KIF3C: variants seen among roughly 807,000 people sequenced by gnomAD.
KIF3C encodes the protein kinesin-like protein KIF3C.
In KIF3C, 12 loss-of-function variants were observed where a neutral mutation model predicts 67.7. That is an observed-to-expected ratio of 0.18 (90% CI 0.11 to 0.29). The LOEUF (loss-of-function observed/expected upper bound fraction) is 0.29, where lower values mean the gene tolerates loss of function less well. Among genes scored for constraint, KIF3C ranks in the 10% least tolerant of loss-of-function variants. The probability of loss-of-function intolerance (pLI) is 1.00; values close to 1 mark genes in which losing one functional copy is unlikely to be tolerated. For missense variants in KIF3C, 789 were observed against 1,059.6 expected, an observed-to-expected ratio of 0.74 and a Z score of 3.55; for synonymous variants, 393 against 426.2, an observed-to-expected ratio of 0.92 and a Z score of 0.96.
chr2:25,948,000 C>G (rs1663491533), intron 5 of KIF3C, among the ~76,000 whole-genome samples: 1 of 152,154 alleles, frequency 6.6e-6, no homozygotes, highest in African/African-American at 2.4e-5. Flanking sequence ...CCTCAGCCAC[C>G]AGAGTAGCTG....
chr2:25,962,939 TATATA>T (rs1218688000), intron 1 of KIF3C, among the ~76,000 whole-genome samples: 2,549 of 38,334 alleles, frequency 0.066, 321 homozygotes, highest in African/African-American at 0.2. Flanking sequence ...ATACATATAA[TATATA>T]ATATATAATA....
At chr2:25,976,097 G>A (rs1008529757) in intron 1 of KIF3C, among the ~76,000 whole-genome samples, 4 of 152,198 alleles carry the variant, frequency 2.6e-5, no homozygotes, top group South Asian at 4.2e-4. Flanking sequence ...TACTGTTGTC[G>A]CTCAGGCTTG....
chr2:25,947,324 G>A (rs887530827), intron 5 of KIF3C, among the ~76,000 whole-genome samples: 2 of 151,908 alleles, frequency 1.3e-5, no homozygotes, highest in Non-Finnish European at 2.9e-5. Context: ...GCTTGTGCCT[G>A]TAATCCCAGC....
rs763378055 is a variant in KIF3C, at chr2:25,981,576, G to A, written c.342C>T (p.Pro114=). 1 of 1,614,156 alleles carries A rather than the reference G, an allele frequency of 6.2e-7. No homozygotes were observed. Among genetic ancestry groups the A allele is most frequent in the Middle Eastern group, 1.6e-4 (1 of 6,062 alleles). Residue 114 remains proline (P), a synonymous_variant, in exon 1 of 8, where the codon CCC becomes CCT. Coordinates refer to ENST00000264712, the MANE Select transcript of KIF3C (RefSeq NM_002254.8). This position sits in a 1 kb window ranked among gnomAD's most constrained non-coding sequence, Gnocchi z 8.2. ...TYTMQGTWVE[P]ELRGVIPNAF... ...CATTCGGGATGACCCCGCGCAGCTCGGGCTCCACCCAGGTCCCCTGCATGG... is the reference window on the plus strand; with the variant it reads ...CATTCGGGATGACCCCGCGCAGCTCAGGCTCCACCCAGGTCCCCTGCATGG...
In KIF3C at chr2:25,981,427, C is replaced by A. The variant is rs760878065; in HGVS notation, c.491G>T (p.Arg164Met). Residue 164 changes from arginine (R) to methionine (M), a missense_variant, in exon 1 of 8, where the codon AGG becomes ATG. Physicochemically the swap from Arg to Met is moderately conservative, Grantham distance 91. This residue lies in a region of KIF3C where 141 missense variants were observed against 251.8 expected (regional missense o/e 0.56). Coordinates refer to ENST00000264712, the MANE Select transcript of KIF3C (RefSeq NM_002254.8). The surrounding 1 kb of genome is among the most constrained non-coding windows in gnomAD (Gnocchi z 8.2). ...RDLLSKEPGKRLELKENPETG... is the reference protein window; with the variant it reads ...RDLLSKEPGKMLELKENPETG... The stretch of plus-strand genomic sequence containing the variant: ...CTCGGGGTTCTCTTTCAGCTCTAGC[C>A]TCTTGCCCGGCTCCTTGGAGAGCAG... 6.8e-6 allele frequency: 11 copies of A among 1,614,074 alleles called. No individual in the cohort carries two copies. The highest frequency in any genetic ancestry group is 5.0e-5 in the Admixed American group (3 of 60,006).
intron 1 of KIF3C, among the ~76,000 whole-genome samples, chr2:25,956,806 G>A (rs568428038): frequency 2.6e-5 from 4 of 152,292 alleles, no homozygotes; most frequent in Non-Finnish European, 5.9e-5. Flanking sequence ...TTGAGGATTG[G>A]GAAAGATAAG....
chr2:25,947,676 T>C (rs1182598086), intron 5 of KIF3C, among the ~76,000 whole-genome samples: 2 of 152,202 alleles, frequency 1.3e-5, no homozygotes, highest in East Asian at 3.8e-4. Flanking sequence ...GTGAATGGTT[T>C]TTTTCAGCAT....
intron 4 of KIF3C, 45 bp from the exon 5 acceptor site, chr2:25,951,950 A>G: frequency 7.6e-7 from 1 of 1,315,502 alleles, no homozygotes; most frequent in Non-Finnish European, 1.1e-6. Context: ...GGTGAGCGAG[A>G]GACCACGTGG....
intron 1 of KIF3C, among the ~76,000 whole-genome samples, chr2:25,967,504 T>C (rs1664173846): frequency 6.6e-6 from 1 of 152,156 alleles, no homozygotes; most frequent in African/African-American, 2.4e-5. Context: ...CTTTCAGGCC[T>C]TGGGTAAGAA....
chr2:25,929,327 T>G lies in KIF3C; in HGVS notation c.2266A>C (p.Lys756Gln). The G allele has an allele frequency of 6.2e-7, 1 of 1,614,126 alleles. No homozygotes were observed. The highest frequency in any genetic ancestry group is 8.5e-7 in the Non-Finnish European group (1 of 1,179,994). The part of the protein sequence containing the change: ...DSFLERPSTS[K>Q]VRKSRSWCQS... ...GACCAGGATCTGGACTTTCGGACTT[T>G]AGACGTGGAAGGTCTTTCCAGAAAG... is the stretch of plus-strand genomic sequence containing the variant. Residue 756 changes from lysine (K) to glutamine (Q), a missense_variant, in exon 7 of 8, where the codon AAA (lysine) becomes CAA (glutamine). Lys to Gln is a moderately conservative substitution (Grantham distance 53). This residue lies in a region of KIF3C where 648 missense variants were observed against 807.8 expected (regional missense o/e 0.80). Coordinates refer to ENST00000264712, the MANE Select transcript of KIF3C (RefSeq NM_002254.8).
At chr2:25,962,781 T>TATATAATATATA (rs1165556138) in intron 1 of KIF3C, among the ~76,000 whole-genome samples, 1 of 81,574 alleles carries the variant, frequency 1.2e-5, no homozygotes, top group African/African-American at 5.7e-5. Flanking sequence ...ATATATGTTA[T>TATATAATATATA]ATATATAATA....
chr2:25,982,176 C>T lies in KIF3C; in HGVS notation c.-259G>A. Reference sequence around the variant, plus strand: ...TCCCCCAGTCGCCGCGGGAGCAGCGCCTGCCGAGCAGCCGTGCCCGGAGCC... The same window carrying T: ...TCCCCCAGTCGCCGCGGGAGCAGCGTCTGCCGAGCAGCCGTGCCCGGAGCC... On this transcript the variant is annotated 5_prime_UTR_variant, in exon 1 of 8. Transcript: ENST00000264712. 2.2e-6 allele frequency: 1 copy of T among 445,160 alleles called. No individual in the cohort carries two copies. The highest frequency in any genetic ancestry group is 3.4e-5 in the East Asian group (1 of 29,806). 27.6% of individuals were successfully genotyped at this position (445,160 alleles called of 1,614,324 possible).
At chr2:25,964,775 G>A (rs1310185204) in intron 1 of KIF3C, among the ~76,000 whole-genome samples, 1 of 152,170 alleles carries the variant, frequency 6.6e-6, no homozygotes, top group Non-Finnish European at 1.5e-5. Flanking sequence ...CCCAGTTCTT[G>A]AAGCCACCTG....
intron 5 of KIF3C, among the ~76,000 whole-genome samples, chr2:25,950,261 A>G (rs1235089643): frequency 6.8e-6 from 1 of 146,310 alleles, no homozygotes; most frequent in Admixed American, 7.0e-5. Context: ...CTTGTTGCCC[A>G]GGCTGGAGCG....
At chr2:25,938,514 C>T (rs1015397264) in intron 5 of KIF3C, among the ~76,000 whole-genome samples, 2 of 152,112 alleles carry the variant, frequency 1.3e-5, no homozygotes, top group South Asian at 2.1e-4. Flanking sequence ...AAAGCTCAGG[C>T]GCTGGGAACA....
rs749814055 is a variant in KIF3C, at chr2:25,929,485, G to A, written c.2116-8C>T. 6.2e-7 allele frequency: 1 copy of A among 1,613,088 alleles called. No individual in the cohort carries two copies. ...AAACATTATGTTTTCAGCCTGTGGT[G>A]GGAATATCATGCCAGGCTTGAACAG... On this transcript the variant is annotated splice_region_variant and splice_polypyrimidine_tract_variant and intron_variant, in intron 6 of 7. Transcript: ENST00000264712.
intron 5 of KIF3C, 140 bp downstream of exon 5, chr2:25,951,649 C>T (rs1663615924): frequency 1.6e-6 from 1 of 613,792 alleles, no homozygotes; most frequent in African/African-American, 1.8e-5. Context: ...AAATTCATCC[C>T]CCATCGGCAT....
chr2:25,951,947 G>T lies in KIF3C; in HGVS notation c.1890-42C>A, dbSNP rs756705776. On this transcript the variant is annotated intron_variant, in intron 4 of 7. Coordinates refer to ENST00000264712, the MANE Select transcript of KIF3C (RefSeq NM_002254.8). Reference sequence around the variant, plus strand: ...AGGAGTGATGGGAAAATGGGTGAGCGAGAGACCACGTGGTGCATGTGAGGG... The same window carrying T: ...AGGAGTGATGGGAAAATGGGTGAGCTAGAGACCACGTGGTGCATGTGAGGG... The T allele has an allele frequency of 2.3e-6, 3 of 1,325,618 alleles. No homozygotes were observed. In the Admixed American group the frequency reaches 5.0e-5, roughly 22 times the overall value. The allele number at this position is 1,325,618 out of a possible 1,614,324, so 82.1% of individuals were successfully genotyped here. A position where few individuals can be genotyped will look rare whatever the true frequency, so the allele number is the denominator to read the frequency against.
intron 5 of KIF3C, 101 bp downstream of exon 5, chr2:25,951,688 A>C (rs1663616925): frequency 1.4e-6 from 1 of 727,946 alleles, no homozygotes; most frequent in Admixed American, 2.3e-5. Flanking sequence ...AATCCACAAA[A>C]CATCTGTCTC....
Sources: gnomAD v4.1 joint callset for allele counts (sites outside exome capture counted in the v4.1 genomes callset) on GRCh38, gnomAD v4.1.1 for gene constraint, gnomAD v4.1.1 regional missense constraint, Gnocchi (gnomAD v3.1) non-coding constraint, MANE v1.5 for transcripts, NCBI Gene and HGNC (gene_info 2026-07-23, HGNC 2026-07-21) for gene names.